ADGRL2: variants seen among roughly 807,000 people sequenced by gnomAD.
The protein encoded by ADGRL2 is adhesion G protein-coupled receptor L2.
ADGRL2 carries 44 observed loss-of-function variants against 157.4 expected under a neutral mutation model. The ratio of observed to expected loss-of-function variants is 0.28; its 90% CI spans 0.22 to 0.36. ADGRL2 has a LOEUF of 0.36. Among genes scored for constraint, ADGRL2 ranks in the 10% least tolerant of loss-of-function variants. The pLI is 1.00. For missense variants in ADGRL2, 1,510 were observed against 1,768.9 expected (o/e 0.85, Z 2.63); for synonymous variants, 585 against 624.7 (o/e 0.94, Z 0.95).
intron 3 of ADGRL2, among the ~76,000 whole-genome samples, chr1:81,934,011 TA>T (rs1296727161): frequency 6.6e-6 from 1 of 152,140 alleles, no homozygotes; most frequent in East Asian, 1.9e-4. Flanking sequence ...TTAAAATGAA[TA>T]TTTTTTATAT....
intron 2 of ADGRL2, among the ~76,000 whole-genome samples, chr1:81,492,350 A>G (rs942696122): frequency 1.3e-5 from 2 of 152,234 alleles, no homozygotes; most frequent in African/African-American, 4.8e-5. Context: ...AATGAAGTGA[A>G]AAACACTTCA....
rs536555708 is a variant in ADGRL2, at chr1:81,336,891, A to G, written c.-302+30382A>G. ...CTGCCCTGTCTCCCATCTTGTACCC[A>G]TGAAAACCCCAGGCTCCACTGGCAG... On this transcript the variant is annotated intron_variant, in intron 1 of 24. Coordinates refer to the ADGRL2 transcript ENST00000370721. 6.3e-4 allele frequency among the ~76,000 whole-genome samples: 96 copies of G among 152,216 alleles called. 2 individuals carry two copies. In the South Asian group the frequency reaches 0.018, roughly 29 times the overall value.
intron 1 of ADGRL2, among the ~76,000 whole-genome samples, chr1:81,810,149 T>C (rs2089676201): frequency 6.6e-6 from 1 of 151,994 alleles, no homozygotes; most frequent in Non-Finnish European, 1.5e-5. Context: ...TTCTGTTTTC[T>C]TCATAAAGTA....
intron 2 of ADGRL2, among the ~76,000 whole-genome samples, chr1:81,493,806 C>T (rs1162696824): frequency 2.6e-5 from 4 of 152,098 alleles, no homozygotes; most frequent in Non-Finnish European, 5.9e-5. Context: ...CACAAGCCAA[C>T]AGTTTCCTCA....
At chr1:81,764,409 C>T (rs756857764) in intron 2 of ADGRL2, among the ~76,000 whole-genome samples, 11 of 152,078 alleles carry the variant, frequency 7.2e-5, no homozygotes, top group Non-Finnish European at 1.5e-4. Context: ...ACTGTCTTGA[C>T]ACTTTAGCTC....
intron 3 of ADGRL2, among the ~76,000 whole-genome samples, chr1:81,595,081 A>G (rs539705015): frequency 6.8e-6 from 1 of 146,242 alleles, no homozygotes; most frequent in South Asian, 2.3e-4. Flanking sequence ...AATGGAGGTG[A>G]CAGACACCTC....
At chr1:81,487,280 AAAAG>A (rs2078529038) in intron 2 of ADGRL2, among the ~76,000 whole-genome samples, 1 of 151,996 alleles carries the variant, frequency 6.6e-6, no homozygotes, top group African/African-American at 2.4e-5. Context: ...AAGGAAAAGA[AAAAG>A]AAATGTATAA....
chr1:81,805,613 TA>T (rs2089001050), intron 1 of ADGRL2, among the ~76,000 whole-genome samples: 1 of 151,756 alleles, frequency 6.6e-6, no homozygotes, highest in Admixed American at 6.6e-5. Context: ...GGATTACAAT[TA>T]GGGTTTTTTT....
intron 1 of ADGRL2, among the ~76,000 whole-genome samples, chr1:81,372,511 G>A (rs4517392): frequency 0.076 from 11,494 of 152,170 alleles, 554 homozygotes; most frequent in Middle Eastern, 0.15. Context: ...TTGCTGGATC[G>A]ATTGATTATA....
chr1:81,675,572 G>GTT (rs3045497), intron 3 of ADGRL2, among the ~76,000 whole-genome samples: 27 of 143,490 alleles, frequency 1.9e-4, no homozygotes, highest in African/African-American at 6.1e-4. Flanking sequence ...AAAATAAACT[G>GTT]TTTTTTTTTT....
chr1:81,464,740 C>T (rs1308555052), intron 2 of ADGRL2, among the ~76,000 whole-genome samples: 1 of 152,026 alleles, frequency 6.6e-6, no homozygotes, highest in Non-Finnish European at 1.5e-5. Context: ...GCTCTTTTTC[C>T]TTTTGACAGG....
At chr1:81,578,696 A>G (rs1368340415) in intron 2 of ADGRL2, among the ~76,000 whole-genome samples, 1 of 152,164 alleles carries the variant, frequency 6.6e-6, no homozygotes, top group Non-Finnish European at 1.5e-5. Context: ...AAAATTTCAA[A>G]CCAGTGAAAA....
intron 1 of ADGRL2, among the ~76,000 whole-genome samples, chr1:81,726,170 C>G (rs1451836342): frequency 1.3e-5 from 2 of 152,180 alleles, no homozygotes; most frequent in African/African-American, 4.8e-5. Context: ...ACTGCAGCAG[C>G]TCCATCTCCT....
At chr1:81,877,553 C>T (rs1033274369) in intron 2 of ADGRL2, among the ~76,000 whole-genome samples, 2 of 152,028 alleles carry the variant, frequency 1.3e-5, no homozygotes, top group African/African-American at 2.4e-5. Context: ...AAGAACAACA[C>T]ACATTCCTAG....
intron 1 of ADGRL2, among the ~76,000 whole-genome samples, chr1:81,379,805 C>T (rs2076313353): frequency 6.6e-6 from 1 of 152,104 alleles, no homozygotes; most frequent in South Asian, 2.1e-4. Context: ...GCTAGGATCT[C>T]GAGTTTCTAT....
In ADGRL2 at chr1:81,588,613, T is replaced by C. The variant is rs1042903095; in HGVS notation, c.-143+7633T>C. Among the ~76,000 whole-genome samples, 3 of 152,270 alleles carry C rather than the reference T, an allele frequency of 2.0e-5. No homozygotes were observed. In the East Asian group the frequency reaches 5.8e-4, roughly 29 times the overall value. On this transcript the variant is annotated intron_variant, in intron 3 of 24. Coordinates refer to the ADGRL2 transcript ENST00000370721. ...GGATTGTCTGAAGGCATAAACCACA[T>C]TCTCATAACTTAGGAGTCTAAGCAC...
intron 3 of ADGRL2, among the ~76,000 whole-genome samples, chr1:81,593,499 T>C (rs1368031068): frequency 6.6e-6 from 1 of 152,344 alleles, no homozygotes; most frequent in East Asian, 1.9e-4. Flanking sequence ...ATTTAGTGCA[T>C]AGTGTACACT....
chr1:81,482,373 TAATACG>T (rs1215186594), intron 2 of ADGRL2, among the ~76,000 whole-genome samples: 7 of 152,070 alleles, frequency 4.6e-5, no homozygotes, highest in Non-Finnish European at 1.0e-4. Context: ...GCCATCCAAG[TAATACG>T]TGTTTATTAT....
intron 2 of ADGRL2, among the ~76,000 whole-genome samples, chr1:81,528,792 T>C (rs909597154): frequency 2.0e-5 from 3 of 152,188 alleles, no homozygotes; most frequent in African/African-American, 7.2e-5. Flanking sequence ...AATAAGTGGT[T>C]CATTGTTGGC....
Sources: gnomAD v4.1 joint callset for allele counts (sites outside exome capture counted in the v4.1 genomes callset) on GRCh38, gnomAD v4.1.1 for gene constraint, MANE v1.5 for transcripts, NCBI Gene and HGNC (gene_info 2026-07-23, HGNC 2026-07-21) for gene names.